CYP4Z1: variants seen among roughly 807,000 people sequenced by gnomAD.
The protein encoded by CYP4Z1 is cytochrome P450 family 4 subfamily Z member 1, also known as cytochrome P450 4Z1.
In CYP4Z1, 41 loss-of-function variants were observed where a neutral mutation model predicts 54.2. That is an observed-to-expected ratio of 0.76 (90% confidence interval 0.59 to 0.98). The LOEUF (loss-of-function observed/expected upper bound fraction) is 0.98, where lower values mean the gene tolerates loss of function less well. Among genes scored for constraint, CYP4Z1 ranks in the 50% least tolerant of loss-of-function variants. The pLI is 0.00. For missense variants in CYP4Z1, 513 were observed against 599.0 expected, an observed-to-expected ratio of 0.86 and a Z score of 1.50; for synonymous variants, 163 against 206.2, an observed-to-expected ratio of 0.79 and a Z score of 1.79.
At chr1:47,107,294 C>T (rs2148540313) in intron 9 of CYP4Z1, among the ~76,000 whole-genome samples, 1 of 152,244 alleles carries the variant, frequency 6.6e-6, no homozygotes, top group South Asian at 2.1e-4. Flanking sequence ...AATGGTGGAA[C>T]TAGGACTTGA....
At chr1:47,097,842 C>T (rs1377906002) in intron 7 of CYP4Z1, among the ~76,000 whole-genome samples, 4 of 122,384 alleles carry the variant, frequency 3.3e-5, no homozygotes, top group African/African-American at 1.3e-4. Context: ...TTTTTTGAGA[C>T]TGACTCTCTG....
chr1:47,095,291 G>A (rs921191222), intron 7 of CYP4Z1, among the ~76,000 whole-genome samples: 7 of 151,806 alleles, frequency 4.6e-5, no homozygotes, highest in African/African-American at 9.7e-5. Flanking sequence ...CATATCCCTC[G>A]GTGTTTCATT....
At chr1:47,097,180 T>A (rs558810176) in intron 7 of CYP4Z1, 1 of 152,250 alleles carries the variant, frequency 6.6e-6, no homozygotes, top group Admixed American at 6.5e-5. Context: ...CCATGGTGTA[T>A]ATGTACCACA....
chr1:47,096,676 T>G (rs1644679823), intron 7 of CYP4Z1: 1 of 150,544 alleles, frequency 6.6e-6, no homozygotes, highest in Non-Finnish European at 1.5e-5. Flanking sequence ...TCGCCCAGGC[T>G]GGAGTGCAGT....
intron 6 of CYP4Z1, among the ~76,000 whole-genome samples, chr1:47,090,255 T>G (rs987594330): frequency 1.1e-4 from 17 of 152,248 alleles, no homozygotes; most frequent in Admixed American, 2.6e-4. Flanking sequence ...CTATTACTCC[T>G]GCCATAAGCA....
At chr1:47,101,721 C>T (rs1644723051) in intron 8 of CYP4Z1, among the ~76,000 whole-genome samples, 1 of 152,042 alleles carries the variant, frequency 6.6e-6, no homozygotes, top group Non-Finnish European at 1.5e-5. Flanking sequence ...ATGTATTCTT[C>T]ACCTATTGGA....
At chr1:47,089,419 A>T (rs2148532548) in intron 6 of CYP4Z1, among the ~76,000 whole-genome samples, 1 of 152,050 alleles carries the variant, frequency 6.6e-6, no homozygotes, top group Non-Finnish European at 1.5e-5. Flanking sequence ...TTACAACCAG[A>T]ATTCCACATT....
Position 47,109,839 on chromosome 1 carries a change from A to C in CYP4Z1, c.1201+3578A>C, listed in dbSNP as rs537918038. On this transcript the variant is annotated intron_variant, in intron 9 of 11. Transcript: ENST00000334194. ...GGAATCTTCACTGACATTGAGTTAGAGTCATTGAGGTGTTTTCAGATTTTC... is the reference window on the plus strand; with the variant it reads ...GGAATCTTCACTGACATTGAGTTAGCGTCATTGAGGTGTTTTCAGATTTTC... 2.6e-4 allele frequency among the ~76,000 whole-genome samples: 40 copies of C among 151,050 alleles called. No individual in the cohort carries two copies. In the South Asian group the frequency reaches 4.6e-3, roughly 18 times the overall value.
At chr1:47,090,498 G>A (rs2653933) in intron 6 of CYP4Z1, among the ~76,000 whole-genome samples, 6 of 152,154 alleles carry the variant, frequency 3.9e-5, no homozygotes, top group Admixed American at 3.3e-4. Flanking sequence ...GATTTACAAA[G>A]TTACAAATGC....
At chr1:47,062,012 A>G in the CYP4Z1 span, among the ~76,000 whole-genome samples, 45,491 of 152,078 alleles carry the variant, frequency 0.3, 7,470 homozygotes, top group East Asian at 0.7. Context: ...TAAATAAACT[A>G]TGTATTGAGG....
chr1:47,107,781 A>C (rs1320601953), intron 9 of CYP4Z1, among the ~76,000 whole-genome samples: 1 of 152,076 alleles, frequency 6.6e-6, no homozygotes, highest in Non-Finnish European at 1.5e-5. Flanking sequence ...CTACATGTTG[A>C]AAATGTGAGA....
At position 47,098,604 on chromosome 1, in the gene CYP4Z1, A is replaced by C. The variant is rs140196932; in HGVS notation, c.877-490A>C. Among the ~76,000 whole-genome samples, 3 of 152,328 alleles carry C rather than the reference A, an allele frequency of 2.0e-5. No homozygotes were observed. The East Asian group carries it at 5.8e-4, about 29-fold the overall frequency. ...ACATATTCATATGTAATACATTTCT[A>C]ATACTGCTCTTTTCACCTAATAATA... On this transcript the variant is annotated intron_variant, in intron 7 of 11. Transcript: ENST00000334194.
intron 7 of CYP4Z1, among the ~76,000 whole-genome samples, chr1:47,095,879 G>T (rs1644673011): frequency 6.6e-6 from 1 of 152,142 alleles, no homozygotes; most frequent in Non-Finnish European, 1.5e-5. Context: ...GAATTTAATT[G>T]TGCTGAATTA....
upstream of CYP4Z1, among the ~76,000 whole-genome samples, chr1:47,066,764 T>A (rs1479772195): frequency 6.6e-6 from 1 of 151,960 alleles, no homozygotes; most frequent in Non-Finnish European, 1.5e-5. Flanking sequence ...TAGAAAAGCC[T>A]AAAGACTCAT....
At chr1:47,059,858 T>A in the CYP4Z1 span, among the ~76,000 whole-genome samples, 1 of 152,162 alleles carries the variant, frequency 6.6e-6, no homozygotes, top group East Asian at 1.9e-4. Flanking sequence ...TCAGCCTGAC[T>A]GTGAGTTTTA....
chr1:47,085,289 A>G (rs961626872), intron 6 of CYP4Z1, among the ~76,000 whole-genome samples: 6 of 152,072 alleles, frequency 3.9e-5, no homozygotes, highest in Non-Finnish European at 4.4e-5. Flanking sequence ...AAGGAAGTAC[A>G]TTTCTGTAGG....
intron 2 of CYP4Z1, among the ~76,000 whole-genome samples, chr1:47,077,174 T>C (rs1402790015): frequency 1.3e-5 from 2 of 152,080 alleles, no homozygotes; most frequent in East Asian, 3.9e-4. Context: ...TTGAAAGGGA[T>C]GTAGTGAATT....
chr1:47,078,083 T>C (rs1644538155), intron 2 of CYP4Z1, among the ~76,000 whole-genome samples: 1 of 152,228 alleles, frequency 6.6e-6, no homozygotes, highest in African/African-American at 2.4e-5. Flanking sequence ...TTAAAATTAA[T>C]ATCTTAAAGC....
At position 47,099,373 on chromosome 1, in the gene CYP4Z1, T is replaced by C. The variant is rs17102748; in HGVS notation, c.1067+89T>C. 1,405 of 1,252,134 alleles carry C rather than the reference T, an allele frequency of 1.1e-3. 15 individuals carry two copies. In the African/African-American group the frequency reaches 0.019, roughly 17 times the overall value. The allele number at this position is 1,252,134 out of a possible 1,614,324, so 77.6% of individuals were successfully genotyped here. On this transcript the variant is annotated intron_variant, in intron 8 of 11. Coordinates refer to ENST00000334194, the MANE Select transcript of CYP4Z1 (RefSeq NM_178134.3). ...CCGGTATCAGTAAGTTATTGTGCAT[T>C]GAGATAGTCTGTATGCATTTGGAAA... is the stretch of plus-strand genomic sequence containing the variant.
Sources: allele counts gnomAD v4.1 joint callset (sites outside exome capture counted in the v4.1 genomes callset), GRCh38; gene constraint gnomAD v4.1.1; transcripts MANE v1.5; gene names NCBI Gene and HGNC (gene_info 2026-07-23, HGNC 2026-07-21).